The following ROBO1 variants were observed in gnomAD, a reference collection of about 807,000 sequenced individuals.
ROBO1 encodes the protein roundabout guidance receptor 1.
In ROBO1, 149 loss-of-function variants were observed where a neutral mutation model predicts 195.9. That is an observed-to-expected ratio of 0.76 (90% CI 0.67 to 0.87). The LOEUF (loss-of-function observed/expected upper bound fraction) is 0.87, where lower values mean the gene tolerates loss of function less well. Ranked by LOEUF, ROBO1 falls within the 40% of genes least tolerant of loss-of-function variation. The probability of loss-of-function intolerance (pLI) is 0.00; values close to 1 mark genes in which losing one functional copy is unlikely to be tolerated. For synonymous variants in ROBO1, 816 were observed against 733.2 expected (o/e 1.11, Z -1.82); for missense variants, 1,933 against 2,068.3 (o/e 0.93, Z 1.27).
intron 2 of ROBO1, among the ~76,000 whole-genome samples, chr3:79,146,013 A>G (rs913670078): frequency 8.4e-5 from 12 of 142,376 alleles, no homozygotes; most frequent in South Asian, 6.9e-4. Flanking sequence ...TCAAGTGGGT[A>G]ACTTCATATT....
intron 1 of ROBO1, among the ~76,000 whole-genome samples, chr3:79,702,580 A>G (rs529170652): frequency 1.3e-5 from 2 of 151,972 alleles, no homozygotes; most frequent in East Asian, 3.9e-4. Flanking sequence ...TGATTATTCA[A>G]TTAACCTTCA....
intron 26 of ROBO1, 118 bp from the exon 27 acceptor site, chr3:78,618,159 T>A: frequency 9.1e-7 from 1 of 1,104,480 alleles, no homozygotes; most frequent in Non-Finnish European, 1.3e-6. Flanking sequence ...TGAGCTCATA[T>A]GTTCAGAAAA....
chr3:78,652,264 C>T (rs1706711950), intron 18 of ROBO1, among the ~76,000 whole-genome samples: 1 of 152,002 alleles, frequency 6.6e-6, no homozygotes, highest in African/African-American at 2.4e-5. Context: ...GAGAAAAATA[C>T]AAAAACATAA....
chr3:79,018,798 C>T (rs2078024210), intron 3 of ROBO1: 5 of 1,054,512 alleles, frequency 4.7e-6, no homozygotes, highest in South Asian at 3.7e-5. Context: ...TCTTGCGGAG[C>T]CTCCCGGCGT....
chr3:79,160,749 T>G (rs2108662800), intron 2 of ROBO1, among the ~76,000 whole-genome samples: 1 of 152,052 alleles, frequency 6.6e-6, no homozygotes, highest in East Asian at 1.9e-4. Context: ...GTGAGAAACA[T>G]TAAAAGAATG....
At position 78,938,797 on chromosome 3, in the gene ROBO1, C is replaced by T; in HGVS notation, c.303G>A (p.Trp101Ter). The T allele has an allele frequency of 6.2e-7, 1 of 1,614,002 alleles. No homozygotes were observed. Among genetic ancestry groups the T allele is most frequent in the Non-Finnish European group, 8.5e-7 (1 of 1,179,896 alleles). Residue 101 changes from tryptophan to a stop codon, truncating the protein, a stop_gained, in exon 4 of 31, where the codon TGG (tryptophan) becomes TGA (stop). Coordinates refer to ENST00000464233, the MANE Select transcript of ROBO1 (RefSeq NM_002941.4). LOFTEE classifies it high-confidence loss of function. ...TCTCCACTCTCTCTCCCCCTTTGTACCATTCAATAGTGGGTGTGGGGCGGC... is the reference window on the plus strand; with the variant it reads ...TCTCCACTCTCTCTCCCCCTTTGTATCATTCAATAGTGGGTGTGGGGCGGC... ...AEGRPTPTIE[W>*]YKGGERVETD...
At chr3:78,643,702 T>C (rs931733446) in intron 21 of ROBO1, among the ~76,000 whole-genome samples, 4 of 152,012 alleles carry the variant, frequency 2.6e-5, no homozygotes, top group African/African-American at 9.7e-5. Context: ...GATAATGGGA[T>C]TTTCTGGAGC....
chr3:79,639,576 C>T (rs1258303317), intron 1 of ROBO1, among the ~76,000 whole-genome samples: 3 of 152,084 alleles, frequency 2.0e-5, no homozygotes, highest in Non-Finnish European at 2.9e-5. Flanking sequence ...CCTAGGTATG[C>T]TAATAGTTAA....
intron 3 of ROBO1, among the ~76,000 whole-genome samples, chr3:79,052,999 T>C (rs931028011): frequency 2.0e-5 from 3 of 152,080 alleles, no homozygotes. Context: ...ATGGTCACTC[T>C]ATTCAGGGAG....
chr3:78,646,922 T>C (rs903242427), intron 20 of ROBO1, among the ~76,000 whole-genome samples: 5 of 152,032 alleles, frequency 3.3e-5, no homozygotes, highest in Non-Finnish European at 5.9e-5. Flanking sequence ...AGATTAGCTT[T>C]TCTGTAAATA....
intron 2 of ROBO1, among the ~76,000 whole-genome samples, chr3:79,216,355 T>C (rs954181179): frequency 1.4e-4 from 22 of 152,084 alleles, no homozygotes; most frequent in Non-Finnish European, 2.8e-4. Flanking sequence ...TCTTGCTTAA[T>C]GTTCTCTTAT....
chr3:79,108,776 C>G (rs1466387888), intron 3 of ROBO1, among the ~76,000 whole-genome samples: 1 of 151,686 alleles, frequency 6.6e-6, no homozygotes, highest in African/African-American at 2.4e-5. Flanking sequence ...GTGGCAAACC[C>G]CTATTCTAGG....
chr3:79,365,186 C>T (rs763266405), intron 2 of ROBO1, among the ~76,000 whole-genome samples: 3 of 152,150 alleles, frequency 2.0e-5, no homozygotes, highest in Non-Finnish European at 2.9e-5. Context: ...CGATTAGAAT[C>T]CAAATTTCAT....
At chr3:79,217,087 G>C (rs2082068163) in intron 2 of ROBO1, among the ~76,000 whole-genome samples, 1 of 152,004 alleles carries the variant, frequency 6.6e-6, no homozygotes, top group Admixed American at 6.6e-5. Context: ...ACCACTCTGT[G>C]AATAGTCTGA....
At chr3:79,765,258 G>A (rs987568386) in intron 1 of ROBO1, among the ~76,000 whole-genome samples, 4 of 152,160 alleles carry the variant, frequency 2.6e-5, no homozygotes, top group Admixed American at 6.5e-5. Context: ...AACAATATAA[G>A]GTGAATGCCC....
chr3:79,349,580 G>A (rs2035262269), intron 2 of ROBO1, among the ~76,000 whole-genome samples: 1 of 152,126 alleles, frequency 6.6e-6, no homozygotes, highest in Non-Finnish European at 1.5e-5. Context: ...TACCTCCAAA[G>A]CAACAGTAAT....
intron 2 of ROBO1, among the ~76,000 whole-genome samples, chr3:79,416,842 T>C (rs1339813204): frequency 3.3e-5 from 5 of 152,284 alleles, no homozygotes; most frequent in African/African-American, 1.2e-4. Context: ...TAACCACAGA[T>C]GTTAAAAGGA....
chr3:78,799,963 C>T (rs542512), intron 4 of ROBO1, among the ~76,000 whole-genome samples: 145,428 of 152,212 alleles, frequency 0.96, 69,834 homozygotes, highest in East Asian at 1. Flanking sequence ...GTCACCCCAG[C>T]CTGAAAGCTT....
At chr3:79,202,543 T>C (rs2108781895) in intron 2 of ROBO1, among the ~76,000 whole-genome samples, 1 of 142,706 alleles carries the variant, frequency 7.0e-6, no homozygotes, top group East Asian at 2.0e-4. Context: ...ACATAAAAAA[T>C]CAGAAATGGA....
Sources: allele counts gnomAD v4.1 joint callset (sites outside exome capture counted in the v4.1 genomes callset), GRCh38; gene constraint gnomAD v4.1.1; transcripts MANE v1.5; gene names NCBI Gene and HGNC (gene_info 2026-07-23, HGNC 2026-07-21).